Variants in ATIC observed in about 807,000 individuals in gnomAD.
ATIC encodes 5-aminoimidazole-4-carboxamide ribonucleotide formyltransferase/IMP cyclohydrolase.
In ATIC, 64 loss-of-function variants were observed where a neutral mutation model predicts 72.5. The ratio of observed to expected loss-of-function variants is 0.88; its 90% confidence interval spans 0.72 to 1.09. The LOEUF is 1.09. Ranked by LOEUF, ATIC falls within the 50% of genes least tolerant of loss-of-function variation. The pLI, the probability that ATIC is intolerant of heterozygous loss-of-function variation, is 0.00. For missense variants in ATIC, 787 were observed against 732.4 expected (o/e 1.07, Z -0.86); for synonymous variants, 281 against 267.1 (o/e 1.05, Z -0.51).
chr2:215,325,947 A>G, intron 5 of ATIC, 40 bp from the exon 6 acceptor site: 2 of 1,609,710 alleles, frequency 1.2e-6, no homozygotes, highest in Non-Finnish European at 1.7e-6. Flanking sequence ...ATAAGCTGAT[A>G]GGGACATACA....
chr2:215,365,574 C>T, the ATIC span: 3 of 1,614,056 alleles, frequency 1.9e-6, no homozygotes, highest in Admixed American at 1.7e-5. Context: ...CCATTTTCTC[C>T]CTGACGGTCC....
chr2:215,326,132 C>T lies in ATIC; in HGVS notation c.525C>T (p.Ala175=), dbSNP rs1168338200. ...CCTTGGAGACTAGACGCCAGTTAGC[C>T]TTGAAGGTGGGATGCACTTTCATGA... The part of the protein sequence containing the change: ...DTSLETRRQL[A]LKAFTHTAQY... Residue 175 remains alanine, a synonymous_variant, in exon 6 of 16, where the codon GCC becomes GCT. Transcript: ENST00000236959. 1 of 1,613,910 alleles carries T rather than the reference C, an allele frequency of 6.2e-7. No homozygotes were observed. The highest frequency in any genetic ancestry group is 1.7e-5 in the Admixed American group (1 of 59,998).
intron 2 of ATIC, 94 bp downstream of exon 2, chr2:215,312,718 T>A: frequency 1.3e-6 from 2 of 1,571,026 alleles, no homozygotes; most frequent in Non-Finnish European, 1.7e-6. Flanking sequence ...CCTTATTTAC[T>A]CCTCCCAGTA....
At chr2:215,336,891 C>CT (rs2052961646) in intron 11 of ATIC, among the ~76,000 whole-genome samples, 2 of 152,178 alleles carry the variant, frequency 1.3e-5, no homozygotes, top group Non-Finnish European at 2.9e-5. Context: ...ATAAGGATGC[C>CT]TGTTTCCCAA....
At chr2:215,358,340 C>T in the ATIC span, among the ~76,000 whole-genome samples, 3 of 151,558 alleles carry the variant, frequency 2.0e-5, no homozygotes, top group Non-Finnish European at 4.4e-5. Flanking sequence ...GATTTCTTGC[C>T]TAAATATAGA....
chr2:215,318,626 T>C (rs557399522), intron 3 of ATIC, among the ~76,000 whole-genome samples: 1 of 152,280 alleles, frequency 6.6e-6, no homozygotes, highest in Non-Finnish European at 1.5e-5. Context: ...TTTACATTTG[T>C]TCGTTCACCT....
At chr2:215,315,403 C>G (rs2052697651) in intron 2 of ATIC, among the ~76,000 whole-genome samples, 1 of 152,128 alleles carries the variant, frequency 6.6e-6, no homozygotes, top group African/African-American at 2.4e-5. Context: ...GTCACCCAGG[C>G]TGGAGTGCAG....
At chr2:215,326,790 C>T (rs1296224082) in intron 6 of ATIC, 32 bp from the exon 7 acceptor site, 11 of 1,613,076 alleles carry the variant, frequency 6.8e-6, no homozygotes, top group Non-Finnish European at 9.3e-6. Context: ...GAAAGTGCTG[C>T]TCGTGTCTCA....
intron 3 of ATIC, 144 bp from the exon 4 acceptor site, chr2:215,319,521 C>T (rs2052744547): frequency 2.3e-5 from 15 of 650,418 alleles, no homozygotes; most frequent in South Asian, 1.3e-4. Context: ...CCAGCCTGGG[C>T]GATAGAGTGA....
chr2:215,353,039 T>C (rs1010020978), downstream of ATIC, among the ~76,000 whole-genome samples: 20 of 152,248 alleles, frequency 1.3e-4, no homozygotes, highest in Non-Finnish European at 2.8e-4. Context: ...GGATGAGTTT[T>C]CCAATTTCTT....
Position 215,326,927 on chromosome 2 carries a change from C to T in ATIC, c.637C>T (p.His213Tyr). Residue 213 changes from histidine to tyrosine, a missense_variant, in exon 7 of 16, where the codon CAT (histidine) becomes TAT (tyrosine). Coordinates refer to ENST00000236959, the MANE Select transcript of ATIC (RefSeq NM_004044.7). Reference protein sequence around the residue: ...QMPLRYGMNPHQTPAQLYTLQ... With the variant: ...QMPLRYGMNPYQTPAQLYTLQ... ...GCCCTTGAGATATGGAATGAACCCACATCAGACCCCTGCCCAGCTGTACAC... is the reference window on the plus strand; with the variant it reads ...GCCCTTGAGATATGGAATGAACCCATATCAGACCCCTGCCCAGCTGTACAC... 6.2e-7 allele frequency: 1 copy of T among 1,614,190 alleles called. No homozygotes were observed. The highest frequency in any genetic ancestry group is 8.5e-7 in the Non-Finnish European group (1 of 1,180,038).
rs1255769926 is a variant in ATIC, at chr2:215,312,523, C to T, written c.45C>T (p.Thr15=). 5.0e-6 allele frequency: 8 copies of T among 1,614,048 alleles called. No individual in the cohort carries two copies. The highest frequency in any genetic ancestry group is 6.8e-6 in the Non-Finnish European group (8 of 1,180,034). ...CCTTATTTAGTGTCTCTGACAAAAC[C>T]GGCCTTGTGGAATTTGCAAGAAACC... The part of the protein sequence containing the change: ...QLALFSVSDK[T]GLVEFARNLT... The change falls in exon 2 of 16, where the codon ACC becomes ACT. Residue 15 remains threonine (T), a synonymous_variant. Transcript: ENST00000236959.
intron 14 of ATIC, chr2:215,347,665 ATGT>A: frequency 2.0e-6 from 1 of 487,872 alleles, no homozygotes; most frequent in Non-Finnish European, 4.1e-6. Flanking sequence ...AGGCTGCAGA[ATGT>A]AACTGAAGTC....
Position 215,326,114 on chromosome 2 carries a change from G to T in ATIC, c.507G>T (p.Glu169Asp). 6.2e-7 allele frequency: 1 copy of T among 1,614,120 alleles called. No homozygotes were observed. Among genetic ancestry groups the T allele is most frequent in the Non-Finnish European group, 8.5e-7 (1 of 1,179,998 alleles). The stretch of plus-strand genomic sequence containing the variant: ...CCGAGAGTAAGGACACCTCCTTGGA[G>T]ACTAGACGCCAGTTAGCCTTGAAGG... Reference protein sequence around the residue: ...QSSESKDTSLETRRQLALKAF... With the variant: ...QSSESKDTSLDTRRQLALKAF... Residue 169 changes from glutamate (E) to aspartate (D), a missense_variant, in exon 6 of 16, where the codon GAG becomes GAT. Transcript: ENST00000236959.
Position 215,346,884 on chromosome 2 carries a change from G to A in ATIC, c.1446G>A (p.Val482=). 6.2e-7 allele frequency: 1 copy of A among 1,614,204 alleles called. No individual in the cohort carries two copies. The highest frequency in any genetic ancestry group is 8.5e-7 in the Non-Finnish European group (1 of 1,180,030). The change falls in exon 14 of 16, where the codon GTG becomes GTA. Residue 482 remains valine (V), a synonymous_variant. Transcript: ENST00000236959. ...TTTCGATGAAGTTTAAAACAGGAGT[G>A]AAGAGAGCAGAAATCTCCAATGCCA... ...QVLSMKFKTG[V]KRAEISNAID...
intron 1 of ATIC, 81 bp from the exon 2 acceptor site, chr2:215,312,414 TCTC>T: frequency 6.2e-7 from 1 of 1,608,406 alleles, no homozygotes; most frequent in Non-Finnish European, 8.5e-7. Flanking sequence ...GATTCGAGAA[TCTC>T]CTCCCCCAGA....
the ATIC span, chr2:215,365,554 C>T: frequency 5.0e-6 from 8 of 1,613,974 alleles, no homozygotes; most frequent in South Asian, 1.1e-5. Context: ...ATGTGCAGCT[C>T]ATCATCTGGC....
At chr2:215,327,233 T>C (rs2052839305) in intron 7 of ATIC, among the ~76,000 whole-genome samples, 1 of 152,080 alleles carries the variant, frequency 6.6e-6, no homozygotes, top group Admixed American at 6.5e-5. Context: ...TTTGAAGACA[T>C]GAGACAGGAT....
chr2:215,337,906 A>C (rs1048988546), intron 11 of ATIC, among the ~76,000 whole-genome samples: 5 of 152,228 alleles, frequency 3.3e-5, no homozygotes, highest in African/African-American at 7.2e-5. Flanking sequence ...TATAAGCATG[A>C]GACAACTTAT....
Sources: gnomAD v4.1 joint callset for allele counts (sites outside exome capture counted in the v4.1 genomes callset) on GRCh38, gnomAD v4.1.1 for gene constraint, MANE v1.5 for transcripts, NCBI Gene and HGNC (gene_info 2026-07-23, HGNC 2026-07-21) for gene names.